The following DNASE1L2 variants were observed in gnomAD, a reference collection of about 807,000 sequenced individuals.
The protein encoded by DNASE1L2 is deoxyribonuclease 1 like 2.
Under a neutral mutation model 31.8 loss-of-function variants are expected in DNASE1L2, and 35 were observed. The observed-to-expected ratio is 1.10, with a 90% CI of 0.84 to 1.46. The LOEUF (loss-of-function observed/expected upper bound fraction) is 1.46. Ranked by LOEUF, DNASE1L2 falls within the 40% of genes most tolerant of loss-of-function variation. The probability of loss-of-function intolerance (pLI) is 0.00; values close to 1 mark genes in which losing one functional copy is unlikely to be tolerated. For synonymous variants in DNASE1L2, 211 were observed against 186.5 expected (o/e 1.13, Z -1.07); for missense variants, 504 against 418.8 (o/e 1.20, Z -1.77).
chr16:2,238,584 T>C lies in DNASE1L2; in HGVS notation c.*166T>C. On this transcript the variant is annotated 3_prime_UTR_variant, in exon 7 of 7. Transcript: ENST00000320700. ...CGTGATGTGCTGCTCTGTACCTCCG[T>C]TCCCCATCTGTGGGACGGGCTGCAT... is the stretch of plus-strand genomic sequence containing the variant. 1 of 783,298 alleles carries C rather than the reference T, an allele frequency of 1.3e-6. No individual in the cohort carries two copies. Among genetic ancestry groups the C allele is most frequent in the East Asian group, 2.7e-5 (1 of 36,846 alleles). The allele number at this position is 783,298 out of a possible 1,614,324, so 48.5% of individuals were successfully genotyped here.
chr16:2,236,980 G>A lies in DNASE1L2; in HGVS notation c.144+20G>A. ...GCGAAGGTGGGGCCCGGGCCGGGGC[G>A]GGGCGGCGTTTAGGGGTGCTGACCG... On this transcript the variant is annotated intron_variant, in intron 2 of 6. Coordinates refer to ENST00000320700, the MANE Select transcript of DNASE1L2 (RefSeq NM_001374.3). 2 of 1,548,406 alleles carry A rather than the reference G, an allele frequency of 1.3e-6. No homozygotes were observed. Among genetic ancestry groups the A allele is most frequent in the South Asian group, 2.4e-5 (2 of 84,280 alleles).
At chr16:2,238,250 GC>G in intron 6 of DNASE1L2, 111 bp from the exon 7 acceptor site, 2 of 1,492,692 alleles carry the variant, frequency 1.3e-6, no homozygotes, top group South Asian at 1.1e-5. Flanking sequence ...CCCGGCCCCT[GC>G]CCCTGCCCCA....
In DNASE1L2 at chr16:2,238,358, A is replaced by C. The variant is rs201110409; in HGVS notation, c.844-4A>C. The C allele has an allele frequency of 1.9e-4, 306 of 1,613,264 alleles. No individual in the cohort carries two copies. The African/African-American group carries it at 3.3e-3, about 17-fold the overall frequency. ...TTCCCCTGAGGCTCACTCTGTCCCCACAGGCTCTTGCCATCAGCGACCACT... is the reference window on the plus strand; with the variant it reads ...TTCCCCTGAGGCTCACTCTGTCCCCCCAGGCTCTTGCCATCAGCGACCACT... On this transcript the variant is annotated splice_polypyrimidine_tract_variant and splice_region_variant and intron_variant, in intron 6 of 6. Transcript: ENST00000320700.
In DNASE1L2 at chr16:2,237,496, C is replaced by T. The variant is rs373125215; in HGVS notation, c.438C>T (p.Leu146=). The T allele has an allele frequency of 6.4e-7, 1 of 1,568,608 alleles. No individual in the cohort carries two copies. Among genetic ancestry groups the T allele is most frequent in the African/African-American group, 1.4e-5 (1 of 73,914 alleles). Residue 146 remains leucine, a synonymous_variant, in exon 5 of 7, where the codon CTC becomes CTT. Coordinates refer to ENST00000320700, the MANE Select transcript of DNASE1L2 (RefSeq NM_001374.3). Reference sequence around the variant, plus strand: ...GCACCGGTGAGCGGGCCCCGCCCCTCCCCTCCCGCCGAGCTCTGACGCCCC... The same window carrying T: ...GCACCGGTGAGCGGGCCCCGCCCCTTCCCTCCCGCCGAGCTCTGACGCCCC... ...APGTGERAPP[L]PSRRALTPPP... is the part of the protein sequence containing the mutation.
chr16:2,238,139 G>A (rs981382711), intron 6 of DNASE1L2, 121 bp downstream of exon 6: 44 of 1,453,210 alleles, frequency 3.0e-5, no homozygotes, highest in Middle Eastern at 2.5e-4. Flanking sequence ...ACCAGGGCTC[G>A]TTTCCAAGGA....
At chr16:2,236,601 G>A (rs965245436) in intron 1 of DNASE1L2, 41 bp downstream of exon 1, 18 of 1,344,602 alleles carry the variant, frequency 1.3e-5, no homozygotes, top group Admixed American at 3.5e-5. Flanking sequence ...TGGATGGGCC[G>A]GACCCTCCAT....
Position 2,237,764 on chromosome 16 carries a change from C to T in DNASE1L2, c.592-3C>T. The T allele has an allele frequency of 6.2e-7, 1 of 1,603,610 alleles. No homozygotes were observed. Among genetic ancestry groups the T allele is most frequent in the Admixed American group, 1.7e-5 (1 of 58,966 alleles). On this transcript the variant is annotated splice_polypyrimidine_tract_variant and splice_region_variant and intron_variant, in intron 5 of 6. Transcript: ENST00000320700. ...CTCAGACACGGCTCCGCGGCGCCCG[C>T]AGGACATGCTGTTCCTGGGCGACTT...
chr16:2,237,470 G>C lies in DNASE1L2; in HGVS notation c.412G>C (p.Gly138Arg), dbSNP rs750355132. 1.9e-6 allele frequency: 3 copies of C among 1,579,640 alleles called. No individual in the cohort carries two copies. Among genetic ancestry groups the C allele is most frequent in the South Asian group, 2.3e-5 (2 of 87,206 alleles). Residue 138 changes from glycine to arginine, a missense_variant, in exon 5 of 7, where the codon GGC becomes CGC. Transcript: ENST00000320700. ...EPFVVKFSAP[G>R]TGERAPPLPS... ...CTTCGTGGTCAAGTTCTCGGCCCCC[G>C]GCACCGGTGAGCGGGCCCCGCCCCT...
chr16:2,237,081 A>AC lies in DNASE1L2; in HGVS notation c.191dup (p.Asp65ArgfsTer77). 1.9e-6 allele frequency: 3 copies of AC among 1,549,716 alleles called. No individual in the cohort carries two copies. Reference sequence around the variant, plus strand: ...CTCGCGCTGGTGCAGGAGGTGCGAGACCCAGACCTCAGCGCCGTGTCCGCG... The same window carrying AC: ...CTCGCGCTGGTGCAGGAGGTGCGAGACCCCAGACCTCAGCGCCGTGTCCGCG... On this transcript the variant is annotated frameshift_variant, in exon 3 of 7. Transcript: ENST00000320700. LOFTEE classifies it high-confidence loss of function.
Position 2,238,510 on chromosome 16 carries a change from T to A in DNASE1L2, c.*92T>A. On this transcript the variant is annotated 3_prime_UTR_variant, in exon 7 of 7. Coordinates refer to ENST00000320700, the MANE Select transcript of DNASE1L2 (RefSeq NM_001374.3). The stretch of plus-strand genomic sequence containing the variant: ...CTTCAGGGTGGCAGCCACCCTTCAG[T>A]GAGGCCCCAAGGCAGAGTCGGCTGG... 6.7e-7 allele frequency: 1 copy of A among 1,490,322 alleles called. No homozygotes were observed. The highest frequency in any genetic ancestry group is 1.1e-5 in the South Asian group (1 of 88,534). The allele number at this position is 1,490,322 out of a possible 1,614,324, so 92.3% of individuals were successfully genotyped here.
At position 2,238,369 on chromosome 16, in the gene DNASE1L2, C is replaced by T. The variant is rs765829313; in HGVS notation, c.851C>T (p.Ala284Val). Residue 284 changes from alanine to valine, a missense_variant, in exon 7 of 7, where the codon GCC becomes GTC. Physicochemically the swap from Ala to Val is moderately conservative, Grantham distance 64 (BLOSUM62 0). Coordinates refer to ENST00000320700, the MANE Select transcript of DNASE1L2 (RefSeq NM_001374.3). ...CTCACTCTGTCCCCACAGGCTCTTG[C>T]CATCAGCGACCACTTTCCAGTGGAG... is the stretch of plus-strand genomic sequence containing the variant. Reference protein sequence around the residue: ...EFGLDQTQALAISDHFPVEVT... With the variant: ...EFGLDQTQALVISDHFPVEVT... 1.1e-5 allele frequency: 18 copies of T among 1,613,444 alleles called. No homozygotes were observed. In the East Asian group the frequency reaches 3.3e-4, roughly 30 times the overall value.
At position 2,237,821 on chromosome 16, in the gene DNASE1L2, G is replaced by C. The variant is rs1457430422; in HGVS notation, c.646G>C (p.Asp216His). The change falls in exon 6 of 7, where the codon GAC becomes CAC. Residue 216 changes from aspartate to histidine, a missense_variant. Coordinates refer to ENST00000320700, the MANE Select transcript of DNASE1L2 (RefSeq NM_001374.3). ...CGACTGCAGCTATGTGCGGGCGCAGGACTGGGCCGCCATCCGTCTGAGGAG... is the reference window on the plus strand; with the variant it reads ...CGACTGCAGCTATGTGCGGGCGCAGCACTGGGCCGCCATCCGTCTGAGGAG... ...NADCSYVRAQ[D>H]WAAIRLRSSE... The C allele has an allele frequency of 1.9e-6, 3 of 1,611,498 alleles. No homozygotes were observed. Among genetic ancestry groups the C allele is most frequent in the Non-Finnish European group, 8.5e-7 (1 of 1,179,452 alleles).
rs1175289998 is a variant in DNASE1L2 at position 2,237,758 on chromosome 16, C to G, written c.592-9C>G. 1.9e-6 allele frequency: 3 copies of G among 1,600,064 alleles called. No homozygotes were observed. Among genetic ancestry groups the G allele is most frequent in the Non-Finnish European group, 2.6e-6 (3 of 1,173,624 alleles). On this transcript the variant is annotated splice_polypyrimidine_tract_variant and intron_variant, in intron 5 of 6. Coordinates refer to ENST00000320700, the MANE Select transcript of DNASE1L2 (RefSeq NM_001374.3). The stretch of plus-strand genomic sequence containing the variant: ...CGGCGGCTCAGACACGGCTCCGCGG[C>G]GCCCGCAGGACATGCTGTTCCTGGG...
chr16:2,238,212 T>C lies in DNASE1L2; in HGVS notation c.844-150T>C, dbSNP rs1358705587. Reference sequence around the variant, plus strand: ...GCAGGCAGGGTACCTTGCCTTTCCCTCAAAGGGCCAGTGGTGACACCCTCT... The same window carrying C: ...GCAGGCAGGGTACCTTGCCTTTCCCCCAAAGGGCCAGTGGTGACACCCTCT... On this transcript the variant is annotated intron_variant, in intron 6 of 6. Transcript: ENST00000320700. 12 of 1,407,612 alleles carry C rather than the reference T, an allele frequency of 8.5e-6. No individual in the cohort carries two copies. The East Asian group carries it at 2.8e-4, about 33-fold the overall frequency. The allele number at this position is 1,407,612 out of a possible 1,614,324, so 87.2% of individuals were successfully genotyped here. A position where few individuals can be genotyped will look rare whatever the true frequency, so the allele number is the denominator to read the frequency against.
Position 2,237,059 on chromosome 16 carries a change from G to T in DNASE1L2, c.166G>T (p.Ala56Ser). The change falls in exon 3 of 7, where the codon GCG becomes TCG. Residue 56 changes from alanine to serine, a missense_variant. Ala to Ser is a moderately conservative substitution (Grantham distance 99, BLOSUM62 1). Coordinates refer to ENST00000320700, the MANE Select transcript of DNASE1L2 (RefSeq NM_001374.3). ...CCAGATCCTGGCTGGCTATGACCTC[G>T]CGCTGGTGCAGGAGGTGCGAGACCC... ...IAKILAGYDL[A>S]LVQEVRDPDL... The T allele has an allele frequency of 6.5e-7, 1 of 1,549,400 alleles. No homozygotes were observed.
rs1286380047 is a variant in DNASE1L2 at position 2,236,781 on chromosome 16, G to A, written c.-36G>A. 3 of 1,554,976 alleles carry A rather than the reference G, an allele frequency of 1.9e-6. No individual in the cohort carries two copies. In the African/African-American group the frequency reaches 4.1e-5, roughly 21 times the overall value. On this transcript the variant is annotated 5_prime_UTR_variant, in exon 2 of 7. Coordinates refer to ENST00000320700, the MANE Select transcript of DNASE1L2 (RefSeq NM_001374.3). Reference sequence around the variant, plus strand: ...GTCTGACAGCGGGTCTGCGTAGGCGGCAGCGTCTGTCCCTCCCAGCCTCTC... The same window carrying A: ...GTCTGACAGCGGGTCTGCGTAGGCGACAGCGTCTGTCCCTCCCAGCCTCTC...
rs773366458 is a variant in DNASE1L2 at position 2,237,938 on chromosome 16, G to A, written c.763G>A (p.Ala255Thr). The A allele has an allele frequency of 1.7e-5, 27 of 1,602,254 alleles. No homozygotes were observed. In the Admixed American group the frequency reaches 1.9e-4, roughly 11 times the overall value. ...CTACGACCGCATTGTGGCCTGTGGC[G>A]CCCGCCTGCGCCGGAGCCTGAAGCC... ...CAYDRIVACG[A>T]RLRRSLKPQS... The change falls in exon 6 of 7, where the codon GCC becomes ACC. Residue 255 changes from alanine to threonine, a missense_variant. By Grantham distance (58) the Ala-to-Thr change is moderately conservative. Transcript: ENST00000320700.
At position 2,236,792 on chromosome 16, in the gene DNASE1L2, C is replaced by T. The variant is rs772514934; in HGVS notation, c.-25C>T. ...GGTCTGCGTAGGCGGCAGCGTCTGT[C>T]CCTCCCAGCCTCTCGCTCCGCGCCA... On this transcript the variant is annotated 5_prime_UTR_variant, in exon 2 of 7. Transcript: ENST00000320700. The T allele has an allele frequency of 6.3e-7, 1 of 1,574,956 alleles. No individual in the cohort carries two copies. Among genetic ancestry groups the T allele is most frequent in the Non-Finnish European group, 8.6e-7 (1 of 1,164,592 alleles).
rs1214399059 is a variant in DNASE1L2 at position 2,237,785 on chromosome 16, G to A, written c.610G>A (p.Asp204Asn). ...WGTDDMLFLG[D>N]FNADCSYVRA... ...CCCGCAGGACATGCTGTTCCTGGGC[G>A]ACTTCAACGCCGACTGCAGCTATGT... Residue 204 changes from aspartate to asparagine, a missense_variant, in exon 6 of 7, where the codon GAC (aspartate) becomes AAC (asparagine). Asp to Asn is a conservative substitution (Grantham distance 23). Coordinates refer to ENST00000320700, the MANE Select transcript of DNASE1L2 (RefSeq NM_001374.3). 3 of 1,607,932 alleles carry A rather than the reference G, an allele frequency of 1.9e-6. No homozygotes were observed. The highest frequency in any genetic ancestry group is 2.2e-5 in the East Asian group (1 of 44,532).
Sources: allele counts gnomAD v4.1 joint callset, GRCh38; gene constraint gnomAD v4.1.1; transcripts MANE v1.5; gene names NCBI Gene and HGNC (gene_info 2026-07-23, HGNC 2026-07-21).